The following NSMCE2 variants were observed in gnomAD, a reference collection of about 807,000 sequenced individuals.
NSMCE2 encodes E3 SUMO-protein ligase NSE2.
NSMCE2 carries 24 observed loss-of-function variants against 23.8 expected under a neutral mutation model. The observed-to-expected ratio is 1.01, with a 90% confidence interval of 0.73 to 1.42. NSMCE2 has a LOEUF of 1.42. NSMCE2 is among the 40% of genes most tolerant of loss of function. NSMCE2 has a pLI of 0.00. For missense variants in NSMCE2, 284 were observed against 296.5 expected (o/e 0.96, Z 0.31); for synonymous variants, 92 against 94.1 (o/e 0.98, Z 0.13).
intron 4 of NSMCE2, among the ~76,000 whole-genome samples, chr8:125,154,477 T>C (rs1821203423): frequency 6.6e-6 from 1 of 151,464 alleles, no homozygotes; most frequent in Non-Finnish European, 1.5e-5. Context: ...AAGATTTTGT[T>C]TGGAATTGGC....
At chr8:125,158,485 C>T (rs1164167476) in intron 4 of NSMCE2, among the ~76,000 whole-genome samples, 1 of 151,972 alleles carries the variant, frequency 6.6e-6, no homozygotes, top group African/African-American at 2.4e-5. Context: ...CGCATATGGA[C>T]CTTTGAAGGG....
intron 5 of NSMCE2, among the ~76,000 whole-genome samples, chr8:125,237,887 A>G (rs925179426): frequency 1.3e-5 from 2 of 152,172 alleles, no homozygotes; most frequent in African/African-American, 4.8e-5. Flanking sequence ...AGTTATTAAG[A>G]ACTCCCTAAT....
chr8:125,254,627 C>A (rs554151414), intron 5 of NSMCE2, among the ~76,000 whole-genome samples: 1 of 150,860 alleles, frequency 6.6e-6, no homozygotes, highest in Non-Finnish European at 1.5e-5. Context: ...TAATAAAGGA[C>A]TATAATTTGA....
Position 125,242,924 on chromosome 8 carries a change from C to CT in NSMCE2, c.418+60677dup, listed in dbSNP as rs201267448. The stretch of plus-strand genomic sequence containing the variant: ...GAGAGTCATCTTTAAGCTGCAGTCA[C>CT]TTTTTTTTTCTTTTGCTGGAACCTA... On this transcript the variant is annotated intron_variant, in intron 5 of 7. Transcript: ENST00000287437. 7.2e-3 allele frequency among the ~76,000 whole-genome samples: 1,090 copies of CT among 151,708 alleles called. 10 individuals are homozygous for CT. Among genetic ancestry groups the CT allele is most frequent in the African/African-American group, 0.025 (1,044 of 41,378 alleles).
intron 3 of NSMCE2, among the ~76,000 whole-genome samples, chr8:125,119,263 T>G (rs1819159950): frequency 6.6e-6 from 1 of 152,234 alleles, no homozygotes; most frequent in Non-Finnish European, 1.5e-5. Flanking sequence ...TTGGCATGGT[T>G]TCTCCACATG....
chr8:125,241,669 CAG>C (rs1157617835), intron 5 of NSMCE2, among the ~76,000 whole-genome samples: 1 of 152,162 alleles, frequency 6.6e-6, no homozygotes, highest in Admixed American at 6.5e-5. Context: ...GAAGCAGAGT[CAG>C]AGGTTGGGCC....
intron 5 of NSMCE2, among the ~76,000 whole-genome samples, chr8:125,308,655 C>G (rs1828853004): frequency 6.6e-6 from 1 of 152,100 alleles, no homozygotes; most frequent in African/African-American, 2.4e-5. Flanking sequence ...TGGGGCCACA[C>G]GATACAAAGG....
intron 4 of NSMCE2, among the ~76,000 whole-genome samples, chr8:125,156,863 T>C (rs963194845): frequency 5.3e-5 from 8 of 152,226 alleles, no homozygotes; most frequent in African/African-American, 1.9e-4. Context: ...ACCTGGTAAG[T>C]TGTGCCTTTT....
At chr8:125,154,149 A>C (rs1189906466) in intron 4 of NSMCE2, among the ~76,000 whole-genome samples, 1 of 152,224 alleles carries the variant, frequency 6.6e-6, no homozygotes, top group Admixed American at 6.5e-5. Flanking sequence ...ATATTTGCCT[A>C]GATTCAAATC....
chr8:125,198,131 A>G (rs1157340023), intron 5 of NSMCE2, among the ~76,000 whole-genome samples: 1 of 152,194 alleles, frequency 6.6e-6, no homozygotes, highest in Non-Finnish European at 1.5e-5. Context: ...TGTAATCTGC[A>G]AACAGGGACA....
intron 5 of NSMCE2, among the ~76,000 whole-genome samples, chr8:125,339,122 G>A (rs1341850486): frequency 2.6e-5 from 4 of 152,156 alleles, no homozygotes; most frequent in South Asian, 2.1e-4. Flanking sequence ...TGGAGGAAGG[G>A]ACACTGCTCT....
intron 5 of NSMCE2, among the ~76,000 whole-genome samples, chr8:125,296,528 G>T (rs1828334052): frequency 6.6e-6 from 1 of 151,318 alleles, no homozygotes; most frequent in African/African-American, 2.4e-5. Context: ...CCTAGTAGCT[G>T]GGATTACAGG....
At chr8:125,154,566 G>T (rs1455089242) in intron 4 of NSMCE2, among the ~76,000 whole-genome samples, 6 of 150,218 alleles carry the variant, frequency 4.0e-5, no homozygotes, top group African/African-American at 1.5e-4. Context: ...AGAATATTAT[G>T]CAGTGAACAC....
At chr8:125,363,823 C>G (rs1183849190) in intron 7 of NSMCE2, among the ~76,000 whole-genome samples, 2 of 152,158 alleles carry the variant, frequency 1.3e-5, no homozygotes, top group Non-Finnish European at 2.9e-5. Context: ...AATGCAAAGC[C>G]AAATCATCAA....
intron 5 of NSMCE2, among the ~76,000 whole-genome samples, chr8:125,339,077 A>G (rs577490751): frequency 6.6e-6 from 1 of 152,330 alleles, no homozygotes; most frequent in African/African-American, 2.4e-5. Context: ...GGGAGAGGAT[A>G]CATTTTAAAA....
chr8:125,192,544 C>T (rs193185076), intron 5 of NSMCE2, among the ~76,000 whole-genome samples: 13 of 152,046 alleles, frequency 8.6e-5, no homozygotes, highest in South Asian at 8.3e-4. Context: ...GAAAAAACTG[C>T]GTATAGAAAT....
chr8:125,255,394 C>G (rs554942765), intron 5 of NSMCE2, among the ~76,000 whole-genome samples: 1 of 152,158 alleles, frequency 6.6e-6, no homozygotes, highest in South Asian at 2.1e-4. Context: ...ATATTTACTA[C>G]GTATCACAGG....
chr8:125,161,057 AT>A (rs960868110), intron 4 of NSMCE2, among the ~76,000 whole-genome samples: 1 of 152,042 alleles, frequency 6.6e-6, no homozygotes, highest in African/African-American at 2.4e-5. Context: ...AATGGATTTT[AT>A]TTTTTCAAGC....
At chr8:125,310,666 A>G (rs1828943511) in intron 5 of NSMCE2, among the ~76,000 whole-genome samples, 1 of 152,102 alleles carries the variant, frequency 6.6e-6, no homozygotes, top group African/African-American at 2.4e-5. Flanking sequence ...CCCTTAGCCA[A>G]TACCATTCCA....
Sources: gnomAD v4.1 joint callset for allele counts (sites outside exome capture counted in the v4.1 genomes callset) on GRCh38, gnomAD v4.1.1 for gene constraint, MANE v1.5 for transcripts, NCBI Gene and HGNC (gene_info 2026-07-23, HGNC 2026-07-21) for gene names.